KDM5A: variants seen among roughly 807,000 people sequenced by gnomAD.
KDM5A encodes the protein lysine-specific demethylase 5A.
In KDM5A, 42 loss-of-function variants were observed where a neutral mutation model predicts 193.5. That is an observed-to-expected ratio of 0.22 (90% CI 0.17 to 0.28). KDM5A has a LOEUF of 0.28. Among genes scored for constraint, KDM5A ranks in the 10% least tolerant of loss-of-function variants. KDM5A has a pLI of 1.00. For missense variants in KDM5A, 1,692 were observed against 2,055.1 expected, an observed-to-expected ratio of 0.82 and a Z score of 3.42; for synonymous variants, 796 against 718.1, an observed-to-expected ratio of 1.11 and a Z score of -1.73.
Position 281,853 on chromosome 12 carries a change from T to C in KDM5A, c.*3603A>G, listed in dbSNP as rs1943157321. The C allele has an allele frequency of 7.4e-6, 2 of 271,194 alleles. No homozygotes were observed. Among genetic ancestry groups the C allele is most frequent in the South Asian group, 1.2e-4 (2 of 16,418 alleles). The allele number at this position is 271,194 out of a possible 1,614,324, so 16.8% of individuals were successfully genotyped here. On this transcript the variant is annotated 3_prime_UTR_variant, in exon 28 of 28. Coordinates refer to ENST00000399788, the MANE Select transcript of KDM5A (RefSeq NM_001042603.3). ...TTAAAATACTGACAAGCAAGTAGTT[T>C]CTTGGCGTGCACGAATTGCATCCAG...
chr12:368,437 G>A (rs1285914740), intron 3 of KDM5A, among the ~76,000 whole-genome samples: 2 of 152,128 alleles, frequency 1.3e-5, no homozygotes, highest in Admixed American at 1.3e-4. Flanking sequence ...TCACTTACTA[G>A]TTATATGACC....
At chr12:373,404 GTTTGTAT>G (rs1944458228) in intron 3 of KDM5A, among the ~76,000 whole-genome samples, 2 of 152,180 alleles carry the variant, frequency 1.3e-5, no homozygotes, top group Non-Finnish European at 2.9e-5. Flanking sequence ...TCTGATGGTA[GTTTGTAT>G]TTCTGTGGGA....
intron 1 of KDM5A, 45 bp from the exon 2 acceptor site, chr12:386,019 A>C: frequency 7.0e-7 from 1 of 1,437,864 alleles, no homozygotes; most frequent in South Asian, 1.1e-5. Flanking sequence ...GTATGTAAAC[A>C]AGGAATGCAT....
chr12:352,446 C>T, intron 8 of KDM5A, 122 bp from the exon 9 acceptor site: 2 of 842,456 alleles, frequency 2.4e-6, no homozygotes, highest in East Asian at 2.6e-5. Flanking sequence ...CAACCCTAGA[C>T]AACAAAACAA....
chr12:350,174 C>G lies in KDM5A; in HGVS notation c.1308+447G>C, dbSNP rs563775104. 7.9e-5 allele frequency among the ~76,000 whole-genome samples: 12 copies of G among 151,832 alleles called. No homozygotes were observed. In the South Asian group the frequency reaches 2.3e-3, roughly 29 times the overall value. On this transcript the variant is annotated intron_variant, in intron 10 of 27. Coordinates refer to ENST00000399788, the MANE Select transcript of KDM5A (RefSeq NM_001042603.3). ...GTTAATGGCCAGGCACAGTGGCTCA[C>G]GCCTGTAATCCCAGCACTTTGGGAA...
chr12:315,877 T>C (rs1488146082), intron 19 of KDM5A, among the ~76,000 whole-genome samples: 1 of 152,206 alleles, frequency 6.6e-6, no homozygotes, highest in Non-Finnish European at 1.5e-5. Flanking sequence ...CCGCCTGGAA[T>C]CTAACAGGCG....
intron 13 of KDM5A, among the ~76,000 whole-genome samples, chr12:330,421 T>C (rs1273904298): frequency 6.6e-6 from 1 of 152,140 alleles, no homozygotes; most frequent in Non-Finnish European, 1.5e-5. Flanking sequence ...TCTGAGGTTA[T>C]TAAGTGAATC....
intron 3 of KDM5A, among the ~76,000 whole-genome samples, chr12:382,155 C>A (rs1944581983): frequency 1.3e-5 from 2 of 152,066 alleles, no homozygotes. Flanking sequence ...TTCCTGGCCA[C>A]GCATGGTGGC....
chr12:353,240 G>GT (rs1565543524), intron 8 of KDM5A, among the ~76,000 whole-genome samples: 1 of 152,104 alleles, frequency 6.6e-6, no homozygotes, highest in Non-Finnish European at 1.5e-5. Context: ...TGAGCTGGGA[G>GT]TATCACCTGA....
At chr12:370,664 G>A (rs144186125) in intron 3 of KDM5A, among the ~76,000 whole-genome samples, 177 of 151,700 alleles carry the variant, frequency 1.2e-3, no homozygotes, top group Non-Finnish European at 2.2e-3. Context: ...TGTGCACAAC[G>A]TGCAGGTTTG....
In KDM5A at chr12:307,567, G is replaced by C; in HGVS notation, c.3817C>G (p.Leu1273Val). 2 of 1,614,128 alleles carry C rather than the reference G, an allele frequency of 1.2e-6. No homozygotes were observed. The highest frequency in any genetic ancestry group is 2.2e-5 in the East Asian group (1 of 44,882). Reference sequence around the variant, plus strand: ...TGGCTCAACACAGATAGTTTGGCCAGGGCAGAGGATAGTTCATCTGTGGCT... The same window carrying C: ...TGGCTCAACACAGATAGTTTGGCCACGGCAGAGGATAGTTCATCTGTGGCT... ...ALATDELSSA[L>V]AKLSVLSQRM... is the part of the protein sequence containing the mutation. Residue 1273 changes from leucine to valine, a missense_variant, in exon 23 of 28, where the codon CTG becomes GTG. This residue lies in a region of KDM5A where 965 missense variants were observed against 1,061.0 expected (regional missense o/e 0.91). Coordinates refer to ENST00000399788, the MANE Select transcript of KDM5A (RefSeq NM_001042603.3). The surrounding 1 kb of genome is among the most constrained non-coding windows in gnomAD (Gnocchi z 4.3).
At position 292,845 on chromosome 12, in the gene KDM5A, T is replaced by C. The variant is rs1228846990; in HGVS notation, c.4780A>G (p.Lys1594Glu). 2 of 1,614,128 alleles carry C rather than the reference T, an allele frequency of 1.2e-6. No individual in the cohort carries two copies. The highest frequency in any genetic ancestry group is 1.7e-6 in the Non-Finnish European group (2 of 1,180,042). ...TCCTCTGCTCCTGACCAGTCATACTTTGAGGGGATGTCCAGCACCTTTTTC... is the reference window on the plus strand; with the variant it reads ...TCCTCTGCTCCTGACCAGTCATACTCTGAGGGGATGTCCAGCACCTTTTTC... ...REKKVLDIPS[K>E]YDWSGAEESD... is the part of the protein sequence containing the mutation. The change falls in exon 27 of 28, where the codon AAG (lysine) becomes GAG (glutamate). Residue 1594 changes from lysine to glutamate, a missense_variant. This residue lies in a region of KDM5A where 965 missense variants were observed against 1,061.0 expected (regional missense o/e 0.91). Coordinates refer to ENST00000399788, the MANE Select transcript of KDM5A (RefSeq NM_001042603.3).
intron 27 of KDM5A, among the ~76,000 whole-genome samples, chr12:290,124 G>T (rs192299960): frequency 6.6e-6 from 1 of 151,822 alleles, no homozygotes; most frequent in Non-Finnish European, 1.5e-5. Flanking sequence ...GCTGGCAAAG[G>T]CATTCTTTTC....
At chr12:375,278 C>A (rs535573201) in intron 3 of KDM5A, among the ~76,000 whole-genome samples, 1 of 152,200 alleles carries the variant, frequency 6.6e-6, no homozygotes, top group Admixed American at 6.6e-5. Flanking sequence ...TTTCTTTTTA[C>A]TCTTTTTTCT....
At chr12:343,305 A>G (rs1330873160) in intron 10 of KDM5A, among the ~76,000 whole-genome samples, 1 of 152,240 alleles carries the variant, frequency 6.6e-6, no homozygotes, top group Non-Finnish European at 1.5e-5. Flanking sequence ...CGGCAGCTCA[A>G]CAAGGCCTAC....
chr12:315,270 T>G (rs1943637585), intron 19 of KDM5A, among the ~76,000 whole-genome samples: 1 of 152,172 alleles, frequency 6.6e-6, no homozygotes, highest in South Asian at 2.1e-4. Flanking sequence ...CGCAAAAAAG[T>G]CCTTCAAGAA....
intron 3 of KDM5A, among the ~76,000 whole-genome samples, chr12:369,001 G>C (rs1944391275): frequency 6.6e-6 from 1 of 152,162 alleles, no homozygotes; most frequent in South Asian, 2.1e-4. Flanking sequence ...CAACTCTTGT[G>C]CTTTATGATG....
chr12:339,150 C>T (rs1324940196), intron 10 of KDM5A, among the ~76,000 whole-genome samples: 2 of 149,898 alleles, frequency 1.3e-5, no homozygotes, highest in Non-Finnish European at 3.0e-5. Context: ...TGCACTCCAG[C>T]CTGGGCAACA....
At chr12:293,758 A>G (rs1943333186) in intron 26 of KDM5A, among the ~76,000 whole-genome samples, 2 of 133,792 alleles carry the variant, frequency 1.5e-5, no homozygotes. Context: ...CAGCCTGAGC[A>G]ACAGAGCAAG....
Sources: allele counts gnomAD v4.1 joint callset (sites outside exome capture counted in the v4.1 genomes callset), GRCh38; gene constraint gnomAD v4.1.1; regional missense constraint gnomAD v4.1.1; non-coding constraint Gnocchi (gnomAD v3.1); transcripts MANE v1.5; gene names NCBI Gene and HGNC (gene_info 2026-07-23, HGNC 2026-07-21).